Variants in ZNF417 observed in about 807,000 individuals in gnomAD.
ZNF417 encodes the protein zinc finger protein 417.
Under a neutral mutation model 7.4 loss-of-function variants are expected in ZNF417, and 5 were observed. The ratio of observed to expected loss-of-function variants is 0.68; its 90% CI spans 0.35 to 1.43. The LOEUF (loss-of-function observed/expected upper bound fraction) is 1.43. Ranked by LOEUF, ZNF417 falls within the 40% of genes most tolerant of loss-of-function variation. The pLI is 0.04. For missense variants in ZNF417, 437 were observed against 697.3 expected (o/e 0.63, Z 4.20); for synonymous variants, 147 against 239.1 (o/e 0.61, Z 3.55).
intron 2 of ZNF417, 30 bp downstream of exon 2, chr19:57,912,030 A>T: frequency 6.5e-7 from 1 of 1,542,400 alleles, no homozygotes; most frequent in South Asian, 1.3e-5. Context: ...ACACTAGCTC[A>T]GGTCACAAAG....
intron 1 of ZNF417, among the ~76,000 whole-genome samples, chr19:57,914,953 G>T (rs564054093): frequency 6.6e-6 from 1 of 152,136 alleles, no homozygotes; most frequent in Non-Finnish European, 1.5e-5. Context: ...CTGTGGATGG[G>T]GTCAAGACCA....
At chr19:57,913,238 T>C (rs1268905990) in intron 1 of ZNF417, among the ~76,000 whole-genome samples, 1 of 152,202 alleles carries the variant, frequency 6.6e-6, no homozygotes, top group Non-Finnish European at 1.5e-5. Context: ...ATCCAGACTA[T>C]GCTTGACAAA....
chr19:57,916,240 A>C, intron 1 of ZNF417, 139 bp downstream of exon 1: 2 of 1,516,528 alleles, frequency 1.3e-6, no homozygotes, highest in Non-Finnish European at 1.8e-6. Flanking sequence ...ACAGTTACAC[A>C]GGGACCCCTC....
Position 57,909,079 on chromosome 19 carries a change from C to A in ZNF417, c.1199G>T (p.Arg400Leu). 1.9e-6 allele frequency: 3 copies of A among 1,614,210 alleles called. No homozygotes were observed. The highest frequency in any genetic ancestry group is 1.7e-6 in the Non-Finnish European group (2 of 1,180,042). The change falls in exon 3 of 3, where the codon CGA (arginine) becomes CTA (leucine). Residue 400 changes from arginine to leucine, a missense_variant. By Grantham distance (102) the Arg-to-Leu change is moderately radical. Around this residue, in one of 5 missense-constraint regions of ZNF417, gnomAD observed 233 missense variants for 235.5 expected, o/e 0.99. Transcript: ENST00000312026. Reference sequence around the variant, plus strand: ...ATAGGGCCTTTCTCCAGTATGACCTCGCTGATGTTGAACGAGGTTGCCCTT... The same window carrying A: ...ATAGGGCCTTTCTCCAGTATGACCTAGCTGATGTTGAACGAGGTTGCCCTT... ...GQKGNLVQHQ[R>L]GHTGERPYEC...
Position 57,912,189 on chromosome 19 carries a change from G to C in ZNF417, c.34C>G (p.Gln12Glu), listed in dbSNP as rs760726722. Reference sequence around the variant, plus strand: ...ACATCTTCAAAGGTCACAGTGCCCTGCTATGATAGTGACAGATGAAACCAC... The same window carrying C: ...ACATCTTCAAAGGTCACAGTGCCCTCCTATGATAGTGACAGATGAAACCAC... The part of the protein sequence containing the change: ...AAAAPRRPTQ[Q>E]GTVTFEDVAV... Residue 12 changes from glutamine to glutamate, a missense_variant and splice_region_variant, in exon 2 of 3, where the codon CAG becomes GAG. This residue lies in a region of ZNF417 where 57 missense variants were observed against 70.7 expected (regional missense o/e 0.81). Coordinates refer to ENST00000312026, the MANE Select transcript of ZNF417 (RefSeq NM_152475.3). 4.3e-6 allele frequency: 7 copies of C among 1,611,560 alleles called. No homozygotes were observed. The highest frequency in any genetic ancestry group is 2.2e-5 in the South Asian group (2 of 90,686).
intron 1 of ZNF417, among the ~76,000 whole-genome samples, chr19:57,916,068 G>A (rs1010768932): frequency 2.0e-5 from 3 of 152,240 alleles, no homozygotes; most frequent in Admixed American, 6.5e-5. Flanking sequence ...TGCTAATGGA[G>A]ACTGATTTGA....
chr19:57,908,488 GAA>G lies in ZNF417; in HGVS notation c.*60_*61del. ...CACTCATAAGGCCTTTCTCCAGTATGAACTCTCCTGTGTTTAATGAGACGGGA... is the reference window on the plus strand; with the variant it reads ...CACTCATAAGGCCTTTCTCCAGTATGCTCTCCTGTGTTTAATGAGACGGGA... On this transcript the variant is annotated 3_prime_UTR_variant, in exon 3 of 3. Coordinates refer to ENST00000312026, the MANE Select transcript of ZNF417 (RefSeq NM_152475.3). 1 of 1,610,080 alleles carries G rather than the reference GAA, an allele frequency of 6.2e-7. No individual in the cohort carries two copies. The highest frequency in any genetic ancestry group is 8.5e-7 in the Non-Finnish European group (1 of 1,176,544).
intron 1 of ZNF417, among the ~76,000 whole-genome samples, chr19:57,915,058 A>C (rs1429013745): frequency 6.6e-6 from 1 of 152,102 alleles, no homozygotes; most frequent in African/African-American, 2.4e-5. Flanking sequence ...CATTACAAAC[A>C]TGTCACGGGA....
rs931863913 is a variant in ZNF417 at position 57,907,720 on chromosome 19, G to A, written c.*830C>T. On this transcript the variant is annotated 3_prime_UTR_variant, in exon 3 of 3. Coordinates refer to ENST00000312026, the MANE Select transcript of ZNF417 (RefSeq NM_152475.3). ...ATGCAAGTGGGGAAATGGGCATGTG[G>A]CCCCTGAAAAAAGATTCTGGATTCC... 4.0e-4 allele frequency: 61 copies of A among 154,186 alleles called. No individual in the cohort carries two copies. The highest frequency in any genetic ancestry group is 3.9e-3 in the Admixed American group (60 of 15,194). 9.6% of individuals were successfully genotyped at this position (154,186 alleles called of 1,614,324 possible).
At position 57,909,725 on chromosome 19, in the gene ZNF417, A is replaced by G. The variant is rs1483236504; in HGVS notation, c.553T>C (p.Leu185=). Residue 185 remains leucine (L), a synonymous_variant, in exon 3 of 3, where the codon TTG becomes CTG. Transcript: ENST00000312026. ...FGKDVLPSSG[L]CQEAAAVEKT... ...TCTACAGCAGCTGCTTCTTGGCACA[A>G]TCCTGAACTGGGCAGAACGTCCTTC... 8 of 1,483,650 alleles carry G rather than the reference A, an allele frequency of 5.4e-6. 2 individuals carry two copies. The highest frequency in any genetic ancestry group is 4.5e-5 in the South Asian group (4 of 88,056). The allele number at this position is 1,483,650 out of a possible 1,614,324, so 91.9% of individuals were successfully genotyped here. A position where few individuals can be genotyped will look rare whatever the true frequency, so the allele number is the denominator to read the frequency against.
At position 57,908,992 on chromosome 19, in the gene ZNF417, A is replaced by C. The variant is rs749274764; in HGVS notation, c.1286T>G (p.Leu429Arg). Residue 429 changes from leucine to arginine, a missense_variant, in exon 3 of 3, where the codon CTT (leucine) becomes CGT (arginine). Coordinates refer to ENST00000312026, the MANE Select transcript of ZNF417 (RefSeq NM_152475.3). ...YRSHLTEHQR[L>R]HTGERPYNCR... ...ATTGTAAGGTCTTTCCCCAGTGTGA[A>C]GTCTCTGGTGTTCAGTGAGGTGGGA... 3 of 1,613,868 alleles carry C rather than the reference A, an allele frequency of 1.9e-6. No individual in the cohort carries two copies. Among genetic ancestry groups the C allele is most frequent in the Non-Finnish European group, 2.5e-6 (3 of 1,179,928 alleles).
At position 57,910,046 on chromosome 19, in the gene ZNF417, G is replaced by C; in HGVS notation, c.232C>G (p.Gln78Glu). 1.3e-6 allele frequency: 2 copies of C among 1,534,150 alleles called. No individual in the cohort carries two copies. The highest frequency in any genetic ancestry group is 1.7e-6 in the Non-Finnish European group (2 of 1,146,512). Reference sequence around the variant, plus strand: ...ACACCTGCCCTAGGAGTCCTGCTCTGAGACTCTCTTTGTACAGAAATTCTC... The same window carrying C: ...ACACCTGCCCTAGGAGTCCTGCTCTCAGACTCTCTTTGTACAGAAATTCTC... ...KQRISVQRES[Q>E]SRTPRAGVSP... Residue 78 changes from glutamine to glutamate, a missense_variant, in exon 3 of 3, where the codon CAG (glutamine) becomes GAG (glutamate). Coordinates refer to ENST00000312026, the MANE Select transcript of ZNF417 (RefSeq NM_152475.3).
chr19:57,913,691 C>G (rs2071919376), intron 1 of ZNF417, among the ~76,000 whole-genome samples: 1 of 152,196 alleles, frequency 6.6e-6, no homozygotes, highest in African/African-American at 2.4e-5. Flanking sequence ...CATCTATTCT[C>G]TCCTCGGATG....
rs1449620470 is a variant in ZNF417 at position 57,906,622 on chromosome 19, G to C, written c.*1928C>G. Among the ~76,000 whole-genome samples the C allele has an allele frequency of 6.7e-6, 1 of 150,004 alleles. No individual in the cohort carries two copies. Among genetic ancestry groups the C allele is most frequent in the African/African-American group, 2.4e-5 (1 of 40,818 alleles). ...CTAAAAATACAAAAATTAGGTGGGC[G>C]TGGTGGAGGGAACCTATAGGCCCAG... On this transcript the variant is annotated 3_prime_UTR_variant, in exon 3 of 3. Coordinates refer to ENST00000312026, the MANE Select transcript of ZNF417 (RefSeq NM_152475.3).
chr19:57,911,140 A>C (rs1211080592), intron 2 of ZNF417, among the ~76,000 whole-genome samples: 1 of 152,210 alleles, frequency 6.6e-6, no homozygotes, highest in Non-Finnish European at 1.5e-5. Flanking sequence ...TAGGGCATAC[A>C]CTTCCTAATA....
chr19:57,912,695 G>A (rs12976341), intron 1 of ZNF417, among the ~76,000 whole-genome samples: 4 of 151,732 alleles, frequency 2.6e-5, no homozygotes, highest in Non-Finnish European at 5.9e-5. Flanking sequence ...TGCAGCCTCC[G>A]CCTCCTGGGT....
rs1479378755 is a variant in ZNF417, at chr19:57,907,298, T to A, written c.*1252A>T. 1 of 152,526 alleles carries A rather than the reference T, an allele frequency of 6.6e-6. No individual in the cohort carries two copies. Among genetic ancestry groups the A allele is most frequent in the African/African-American group, 2.4e-5 (1 of 41,470 alleles). The allele number at this position is 152,526 out of a possible 1,614,324, so 9.4% of individuals were successfully genotyped here. A position where few individuals can be genotyped will look rare whatever the true frequency, so the allele number is the denominator to read the frequency against. On this transcript the variant is annotated 3_prime_UTR_variant, in exon 3 of 3. Coordinates refer to ENST00000312026, the MANE Select transcript of ZNF417 (RefSeq NM_152475.3). ...TTAGTAAAATAACAGATATTCCATT[T>A]GCAAATTATGCTCCCCAAAAAACAC...
intron 1 of ZNF417, among the ~76,000 whole-genome samples, chr19:57,913,748 T>C (rs1293730384): frequency 6.6e-6 from 1 of 152,160 alleles, no homozygotes; most frequent in Non-Finnish European, 1.5e-5. Flanking sequence ...CCTGCCATGA[T>C]GTTCACTCAC....
At chr19:57,915,675 A>T (rs1299930332) in intron 1 of ZNF417, 1 of 393,938 alleles carries the variant, frequency 2.5e-6, no homozygotes, top group Admixed American at 4.4e-5. Context: ...TCTGAAACAA[A>T]ATTGATAATA....
Sources: allele counts gnomAD v4.1 joint callset (sites outside exome capture counted in the v4.1 genomes callset), GRCh38; gene constraint gnomAD v4.1.1; regional missense constraint gnomAD v4.1.1; transcripts MANE v1.5; gene names NCBI Gene and HGNC (gene_info 2026-07-23, HGNC 2026-07-21).